SYNDIG1L: variants seen among roughly 807,000 people sequenced by gnomAD.
SYNDIG1L encodes synapse differentiation inducing 1 like.
A neutral mutation model predicts 20.1 loss-of-function variants in SYNDIG1L; 13 were observed. That is an observed-to-expected ratio of 0.65 (90% confidence interval 0.42 to 1.03). SYNDIG1L has a LOEUF of 1.03. SYNDIG1L is among the 50% of genes least tolerant of loss of function. SYNDIG1L has a pLI of 0.00. For synonymous variants in SYNDIG1L, 128 were observed against 129.3 expected (o/e 0.99, Z 0.07); for missense variants, 294 against 305.1 (o/e 0.96, Z 0.27).
the SYNDIG1L span, among the ~76,000 whole-genome samples, chr14:74,439,678 C>T: frequency 1.3e-5 from 2 of 151,414 alleles, no homozygotes; most frequent in African/African-American, 2.4e-5. Flanking sequence ...GTCGGGAGTT[C>T]GAGACCAGCC....
chr14:74,409,254 T>C lies in SYNDIG1L; in HGVS notation c.417+74A>G. 2.7e-6 allele frequency: 3 copies of C among 1,130,202 alleles called. No individual in the cohort carries two copies. The South Asian group carries it at 6.0e-5, about 23-fold the overall frequency. 70.0% of individuals were successfully genotyped at this position (1,130,202 alleles called of 1,614,324 possible). A position where few individuals can be genotyped will look rare whatever the true frequency, so the allele number is the denominator to read the frequency against. ...CCACCACGCCAGGCTAATTTTCAAT[T>C]TTTTTTTTTTGTAGAGTCGGGGTCT... On this transcript the variant is annotated intron_variant, in intron 2 of 3. Coordinates refer to ENST00000331628, the MANE Select transcript of SYNDIG1L (RefSeq NM_001105579.2).
chr14:74,476,985 G>C, the SYNDIG1L span, among the ~76,000 whole-genome samples: 30 of 149,916 alleles, frequency 2.0e-4, no homozygotes, highest in African/African-American at 6.1e-4. Flanking sequence ...TGGAGATCCA[G>C]AGCCACTTTC....
At chr14:74,477,907 G>A in the SYNDIG1L span, among the ~76,000 whole-genome samples, 779 of 152,296 alleles carry the variant, frequency 5.1e-3, 3 homozygotes, top group Middle Eastern at 0.014. Flanking sequence ...TCACGGGGGC[G>A]TCTGTGAACT....
chr14:74,423,051 C>A (rs1374512682), intron 1 of SYNDIG1L, among the ~76,000 whole-genome samples: 1 of 152,118 alleles, frequency 6.6e-6, no homozygotes, highest in East Asian at 1.9e-4. Context: ...TCTCAGCAGC[C>A]CCCCCGCCCC....
At chr14:74,455,220 C>T in the SYNDIG1L span, among the ~76,000 whole-genome samples, 1 of 152,136 alleles carries the variant, frequency 6.6e-6, no homozygotes, top group Non-Finnish European at 1.5e-5. Flanking sequence ...CTCATTACTA[C>T]TTGTGCTCTG....
chr14:74,464,056 G>A, the SYNDIG1L span, among the ~76,000 whole-genome samples: 2 of 152,228 alleles, frequency 1.3e-5, no homozygotes, highest in African/African-American at 2.4e-5. Flanking sequence ...GGGTCTGACC[G>A]TGGCAACCCT....
chr14:74,413,304 A>G (rs2086147202), intron 1 of SYNDIG1L, among the ~76,000 whole-genome samples: 1 of 152,194 alleles, frequency 6.6e-6, no homozygotes, highest in African/African-American at 2.4e-5. Context: ...ATGCACAAAG[A>G]CACATGGTCC....
chr14:74,440,787 G>A, the SYNDIG1L span, among the ~76,000 whole-genome samples: 2 of 152,030 alleles, frequency 1.3e-5, no homozygotes, highest in Non-Finnish European at 2.9e-5. Context: ...AATGTACCAG[G>A]CAAACAGCAG....
chr14:74,464,474 G>T, the SYNDIG1L span, among the ~76,000 whole-genome samples: 1 of 152,122 alleles, frequency 6.6e-6, no homozygotes, highest in Non-Finnish European at 1.5e-5. Flanking sequence ...GGTATAGGTT[G>T]TGGAAGTGCT....
the SYNDIG1L span, among the ~76,000 whole-genome samples, chr14:74,440,586 A>G: frequency 5.3e-5 from 8 of 150,564 alleles, no homozygotes; most frequent in African/African-American, 2.0e-4. Context: ...TCGGGAGGCT[A>G]AGGCAGGAGA....
the SYNDIG1L span, among the ~76,000 whole-genome samples, chr14:74,477,048 A>G: frequency 2.9e-4 from 11 of 37,802 alleles, no homozygotes; most frequent in African/African-American, 1.1e-3. Context: ...CAACACACAC[A>G]CACACACACA....
At chr14:74,465,735 G>A in the SYNDIG1L span, among the ~76,000 whole-genome samples, 1 of 152,150 alleles carries the variant, frequency 6.6e-6, no homozygotes, top group South Asian at 2.1e-4. Context: ...CCAACCCTGG[G>A]CCTCATCTTT....
chr14:74,409,070 T>G (rs2086108663), intron 2 of SYNDIG1L, among the ~76,000 whole-genome samples: 1 of 149,204 alleles, frequency 6.7e-6, no homozygotes, highest in South Asian at 2.1e-4. Flanking sequence ...ATTTATTTAT[T>G]TATTTATTTA....
chr14:74,433,886 C>T, the SYNDIG1L span, among the ~76,000 whole-genome samples: 2 of 152,164 alleles, frequency 1.3e-5, no homozygotes, highest in Admixed American at 6.5e-5. Flanking sequence ...GCACACAAAA[C>T]TAGCCATCAC....
At chr14:74,478,487 C>T in the SYNDIG1L span, among the ~76,000 whole-genome samples, 1 of 152,196 alleles carries the variant, frequency 6.6e-6, no homozygotes, top group South Asian at 2.1e-4. Context: ...CTGAAGTAGG[C>T]ACTGTTCCTA....
At chr14:74,440,314 G>T in the SYNDIG1L span, among the ~76,000 whole-genome samples, 5 of 152,090 alleles carry the variant, frequency 3.3e-5, no homozygotes, top group South Asian at 6.2e-4. Flanking sequence ...AGGAGACCGA[G>T]ACCATCCTGG....
At chr14:74,480,122 G>A in the SYNDIG1L span, 13 of 1,565,418 alleles carry the variant, frequency 8.3e-6, no homozygotes, top group East Asian at 4.8e-5. Flanking sequence ...CAGCCACCCG[G>A]AGCTCAGTTT....
At chr14:74,445,011 G>GTGT in the SYNDIG1L span, among the ~76,000 whole-genome samples, 1 of 152,198 alleles carries the variant, frequency 6.6e-6, no homozygotes, top group Non-Finnish European at 1.5e-5. Flanking sequence ...GTGATCCCCA[G>GTGT]TGTTGGAGGT....
the SYNDIG1L span, among the ~76,000 whole-genome samples, chr14:74,470,688 C>T: frequency 1.6e-3 from 239 of 152,342 alleles, 1 homozygote; most frequent in African/African-American, 5.6e-3. Flanking sequence ...ATCTCAGCCC[C>T]TGCTGAAAAT....
Sources: allele counts gnomAD v4.1 joint callset (sites outside exome capture counted in the v4.1 genomes callset), GRCh38; gene constraint gnomAD v4.1.1; transcripts MANE v1.5; gene names NCBI Gene and HGNC (gene_info 2026-07-23, HGNC 2026-07-21).